Variants in REDIC1 observed in about 807,000 individuals in gnomAD.
The protein encoded by REDIC1 is HEI10 Interacting Protein 1.
chr12:39,824,110 T>C, the REDIC1 span, among the ~76,000 whole-genome samples: 10 of 152,202 alleles, frequency 6.6e-5, no homozygotes, highest in African/African-American at 2.4e-4. Flanking sequence ...ATGCAGAATA[T>C]AGAAATTAGA....
the REDIC1 span, among the ~76,000 whole-genome samples, chr12:39,685,987 C>T: frequency 1.3e-5 from 2 of 152,230 alleles, no homozygotes; most frequent in South Asian, 2.1e-4. Flanking sequence ...TCCAGACACA[C>T]TGGTGTAAGA....
chr12:39,738,948 C>T, the REDIC1 span, among the ~76,000 whole-genome samples: 1 of 151,852 alleles, frequency 6.6e-6, no homozygotes, highest in Non-Finnish European at 1.5e-5. Flanking sequence ...TTGCCATATA[C>T]TAAGTTTGAG....
the REDIC1 span, among the ~76,000 whole-genome samples, chr12:39,671,703 C>T: frequency 6.6e-6 from 1 of 151,972 alleles, no homozygotes. Flanking sequence ...TCCCTAGGCC[C>T]CTGGGTGGTG....
chr12:39,733,069 G>GCACACACA, the REDIC1 span, among the ~76,000 whole-genome samples: 18,292 of 148,290 alleles, frequency 0.12, 1,245 homozygotes, highest in East Asian at 0.32. Flanking sequence ...GCAGAAAAAT[G>GCACACACA]CACACACACA....
the REDIC1 span, among the ~76,000 whole-genome samples, chr12:39,701,411 A>G: frequency 1.3e-5 from 2 of 152,346 alleles, no homozygotes; most frequent in East Asian, 3.9e-4. Flanking sequence ...TATGCACCCA[A>G]TACAGGAGCA....
At chr12:39,715,241 T>C in the REDIC1 span, among the ~76,000 whole-genome samples, 1 of 151,966 alleles carries the variant, frequency 6.6e-6, no homozygotes, top group African/African-American at 2.4e-5. Context: ...ATTTTTTGTC[T>C]AAGGTAAGAG....
At chr12:39,773,498 T>G in the REDIC1 span, among the ~76,000 whole-genome samples, 1 of 152,194 alleles carries the variant, frequency 6.6e-6, no homozygotes, top group Non-Finnish European at 1.5e-5. Flanking sequence ...ACCTAGTTCA[T>G]ACGTAGATCT....
the REDIC1 span, chr12:39,835,731 A>G: frequency 6.6e-6 from 1 of 152,132 alleles, no homozygotes; most frequent in Non-Finnish European, 1.5e-5. Context: ...GTGGATCACC[A>G]ATATATATTT....
At chr12:39,870,047 G>A in the REDIC1 span, among the ~76,000 whole-genome samples, 1 of 152,094 alleles carries the variant, frequency 6.6e-6, no homozygotes, top group Non-Finnish European at 1.5e-5. Flanking sequence ...TATCAATAAG[G>A]GCTCAAAAAT....
the REDIC1 span, chr12:39,764,544 C>A: frequency 1.8e-5 from 29 of 1,611,878 alleles, no homozygotes; most frequent in Admixed American, 5.0e-5. Flanking sequence ...GATGAACATG[C>A]ATTTCCTGTA....
the REDIC1 span, chr12:39,683,481 CTAT>C: frequency 6.3e-7 from 1 of 1,586,030 alleles, no homozygotes. Context: ...CCAGCAAACT[CTAT>C]GTAAGTTTTT....
chr12:39,729,671 A>C, the REDIC1 span, among the ~76,000 whole-genome samples: 1 of 152,196 alleles, frequency 6.6e-6, no homozygotes, highest in African/African-American at 2.4e-5. Context: ...GATGTCTATT[A>C]GGTCCACTTG....
At chr12:39,721,998 C>T in the REDIC1 span, 1 of 151,992 alleles carries the variant, frequency 6.6e-6, no homozygotes, top group Non-Finnish European at 1.5e-5. Flanking sequence ...TAAGACAACA[C>T]TTATTTTGTA....
the REDIC1 span, among the ~76,000 whole-genome samples, chr12:39,745,611 A>G: frequency 6.6e-6 from 1 of 152,238 alleles, no homozygotes; most frequent in African/African-American, 2.4e-5. Context: ...ATAAAATGCA[A>G]ATTTCACCCA....
At chr12:39,864,963 A>G in the REDIC1 span, 1 of 1,323,070 alleles carries the variant, frequency 7.6e-7, no homozygotes, top group Non-Finnish European at 1.0e-6. Context: ...AAACAAACCA[A>G]AAAACAAAGA....
chr12:39,862,517 T>C, the REDIC1 span, among the ~76,000 whole-genome samples: 1 of 152,216 alleles, frequency 6.6e-6, no homozygotes, highest in East Asian at 1.9e-4. Flanking sequence ...TAGAATAGAA[T>C]ATGATGTTAC....
the REDIC1 span, among the ~76,000 whole-genome samples, chr12:39,852,207 G>A: frequency 4.3e-4 from 65 of 152,268 alleles, no homozygotes; most frequent in East Asian, 3.3e-3. Context: ...ACATGAATCC[G>A]TGTTTTCAAA....
the REDIC1 span, among the ~76,000 whole-genome samples, chr12:39,638,210 C>T: frequency 6.6e-6 from 1 of 152,018 alleles, no homozygotes; most frequent in African/African-American, 2.4e-5. Flanking sequence ...TTGCCTTGTA[C>T]ATTGAATCAG....
the REDIC1 span, among the ~76,000 whole-genome samples, chr12:39,885,033 C>A: frequency 6.6e-6 from 1 of 152,194 alleles, no homozygotes; most frequent in Non-Finnish European, 1.5e-5. Context: ...GAAGGAATTT[C>A]TTGATTTTGA....
Sources: allele counts gnomAD v4.1 joint callset (sites outside exome capture counted in the v4.1 genomes callset), GRCh38; gene constraint gnomAD v4.1.1; transcripts MANE v1.5; gene names NCBI Gene and HGNC (gene_info 2026-07-23, HGNC 2026-07-21).